Variants in NXPE3 observed in about 807,000 individuals in gnomAD.
NXPE3 encodes the protein NXPE family member 3.
A neutral mutation model predicts 46.1 loss-of-function variants in NXPE3; 26 were observed. The ratio of observed to expected loss-of-function variants is 0.56; its 90% CI spans 0.41 to 0.78. The LOEUF is 0.78. Among genes scored for constraint, NXPE3 ranks in the 30% least tolerant of loss-of-function variants. The pLI is 0.00. For missense variants in NXPE3, 620 were observed against 686.0 expected, an observed-to-expected ratio of 0.90 and a Z score of 1.07; for synonymous variants, 272 against 257.9, an observed-to-expected ratio of 1.05 and a Z score of -0.52.
chr3:101,794,060 T>C (rs995687233), intron 4 of NXPE3, among the ~76,000 whole-genome samples: 2 of 152,078 alleles, frequency 1.3e-5, no homozygotes, highest in African/African-American at 4.8e-5. Context: ...TCACTGTGTT[T>C]TATTGTCTGA....
chr3:101,821,109 G>T (rs1942226330), intron 7 of NXPE3, among the ~76,000 whole-genome samples: 1 of 152,144 alleles, frequency 6.6e-6, no homozygotes. Context: ...AGAAAAATGG[G>T]TTATTTTGTT....
intron 4 of NXPE3, among the ~76,000 whole-genome samples, chr3:101,790,044 A>G (rs1201845519): frequency 1.3e-5 from 2 of 152,178 alleles, no homozygotes; most frequent in Non-Finnish European, 2.9e-5. Context: ...ATATTTTGCA[A>G]ATACCTTTCT....
Position 101,803,624 on chromosome 3 carries a change from T to G in NXPE3, c.848+1635T>G, listed in dbSNP as rs140539577. 3.2e-4 allele frequency among the ~76,000 whole-genome samples: 48 copies of G among 152,328 alleles called. No homozygotes were observed. In the East Asian group the frequency reaches 3.5e-3, roughly 11 times the overall value. On this transcript the variant is annotated intron_variant, in intron 5 of 7. Coordinates refer to ENST00000273347, the MANE Select transcript of NXPE3 (RefSeq NM_145037.4). ...ATTACCCTATTTTAGAGGGTTGGTT[T>G]GTTTGTTTGTTTTGCAACAGGGTCT...
Position 101,800,476 on chromosome 3 carries a change from A to T in NXPE3, c.94-759A>T, listed in dbSNP as rs1941078366. Among the ~76,000 whole-genome samples the T allele has an allele frequency of 3.9e-5, 6 of 152,220 alleles. No individual in the cohort carries two copies. In the South Asian group the frequency reaches 1.2e-3, roughly 32 times the overall value. ...TGTGGTCCGTTTTGGTGAATGTTCC[A>T]TGTGAGCTTGATATGAAGTAGTTTA... On this transcript the variant is annotated intron_variant, in intron 4 of 7. Transcript: ENST00000273347.
At chr3:101,791,480 G>T (rs1940514157) in intron 4 of NXPE3, among the ~76,000 whole-genome samples, 1 of 152,168 alleles carries the variant, frequency 6.6e-6, no homozygotes, top group Non-Finnish European at 1.5e-5. Flanking sequence ...CCGCCTCCCA[G>T]GTTCAAGTTA....
chr3:101,799,570 C>T (rs1278728289), intron 4 of NXPE3, among the ~76,000 whole-genome samples: 9 of 151,900 alleles, frequency 5.9e-5, no homozygotes, highest in African/African-American at 1.7e-4. Flanking sequence ...GGATTACAGG[C>T]GCCTGCCACC....
intron 6 of NXPE3, among the ~76,000 whole-genome samples, chr3:101,808,441 C>T (rs1379279936): frequency 6.6e-6 from 1 of 151,948 alleles, no homozygotes; most frequent in African/African-American, 2.4e-5. Context: ...TAGCCACAAG[C>T]CTTGTATGAG....
intron 4 of NXPE3, among the ~76,000 whole-genome samples, chr3:101,800,560 C>A (rs1284509846): frequency 3.3e-5 from 5 of 152,108 alleles, no homozygotes; most frequent in African/African-American, 4.8e-5. Context: ...ATGTCCTTAC[C>A]GATTTTCTGC....
intron 6 of NXPE3, among the ~76,000 whole-genome samples, chr3:101,808,818 G>GAGATATAT (rs1313213746): frequency 2.6e-4 from 8 of 30,810 alleles, no homozygotes; most frequent in South Asian, 1.9e-3. Flanking sequence ...AATTTTAGAG[G>GAGATATAT]ATATATATAT....
At chr3:101,819,022 C>T (rs1378388422) in intron 7 of NXPE3, among the ~76,000 whole-genome samples, 1 of 151,796 alleles carries the variant, frequency 6.6e-6, no homozygotes, top group Non-Finnish European at 1.5e-5. Context: ...GCTTTGCCCT[C>T]CCAAAGTGCT....
chr3:101,812,483 C>T (rs1941756109), intron 6 of NXPE3, among the ~76,000 whole-genome samples: 1 of 152,050 alleles, frequency 6.6e-6, no homozygotes, highest in Non-Finnish European at 1.5e-5. Context: ...AGAAACTTTG[C>T]CAAGTCACTC....
At position 101,816,851 on chromosome 3, in the gene NXPE3, T is replaced by C; in HGVS notation, c.979T>C (p.Tyr327His). Residue 327 changes from tyrosine to histidine, a missense_variant, in exon 7 of 8, where the codon TAT becomes CAT. Transcript: ENST00000273347. ...GSGTFPSGYY[Y>H]KDQWRPRKFK... ...AGGAACTTTTCCTTCTGGGTATTAT[T>C]ATAAAGACCAGTGGAGGCCCAGAAA... 1 of 1,614,140 alleles carries C rather than the reference T, an allele frequency of 6.2e-7. No homozygotes were observed. The highest frequency in any genetic ancestry group is 8.5e-7 in the Non-Finnish European group (1 of 1,180,008).
intron 6 of NXPE3, 45 bp from the exon 7 acceptor site, chr3:101,816,750 T>C (rs370645491): frequency 2.8e-6 from 4 of 1,423,368 alleles, no homozygotes; most frequent in Non-Finnish European, 3.9e-6. Flanking sequence ...TCATCTATTG[T>C]TGGAGGAGAA....
chr3:101,801,022 G>A (rs1270332413), intron 4 of NXPE3, among the ~76,000 whole-genome samples: 1 of 152,088 alleles, frequency 6.6e-6, no homozygotes, highest in Non-Finnish European at 1.5e-5. Context: ...GCTTTGTTAA[G>A]AACAACACAG....
At chr3:101,783,946 C>G (rs1939989890) in intron 3 of NXPE3, among the ~76,000 whole-genome samples, 1 of 152,174 alleles carries the variant, frequency 6.6e-6, no homozygotes, top group Non-Finnish European at 1.5e-5. Context: ...GAAGCACAGT[C>G]TTTCACATTT....
In NXPE3 at chr3:101,807,116, G is replaced by C; in HGVS notation, c.912G>C (p.Arg304Ser). ...CTGATTGGGTAACTGTGATTCCCAG[G>C]AGAATAAAAGGTAAAAAAAAGAATA... is the stretch of plus-strand genomic sequence containing the variant. ...SGPDWVTVIP[R>S]RIKETNSLEL... is the part of the protein sequence containing the mutation. The change falls in exon 6 of 8, where the codon AGG (arginine) becomes AGC (serine). Residue 304 changes from arginine (R) to serine (S), a missense_variant. By Grantham distance (110) the Arg-to-Ser change is moderately radical. This residue lies in a region of NXPE3 where 511 missense variants were observed against 528.6 expected (regional missense o/e 0.97). Coordinates refer to ENST00000273347, the MANE Select transcript of NXPE3 (RefSeq NM_145037.4). 1 of 1,610,984 alleles carries C rather than the reference G, an allele frequency of 6.2e-7. No homozygotes were observed. Among genetic ancestry groups the C allele is most frequent in the Non-Finnish European group, 8.5e-7 (1 of 1,177,404 alleles).
chr3:101,811,302 C>T (rs1245433505), intron 6 of NXPE3, among the ~76,000 whole-genome samples: 1 of 152,146 alleles, frequency 6.6e-6, no homozygotes, highest in African/African-American at 2.4e-5. Flanking sequence ...ATGTGTTACA[C>T]AGCAATAGAA....
intron 4 of NXPE3, 98 bp from the exon 5 acceptor site, chr3:101,801,137 C>G: frequency 1.5e-6 from 2 of 1,292,586 alleles, no homozygotes; most frequent in East Asian, 4.7e-5. Flanking sequence ...GCTCCTGGAG[C>G]TAAAACTCAC....
intron 4 of NXPE3, 146 bp from the exon 5 acceptor site, chr3:101,801,089 G>A (rs1252206605): frequency 1.2e-6 from 1 of 861,734 alleles, no homozygotes; most frequent in African/African-American, 1.7e-5. Context: ...AAGCCCAAGG[G>A]GATTTTTCTT....
Sources: gnomAD v4.1 joint callset for allele counts (sites outside exome capture counted in the v4.1 genomes callset) on GRCh38, gnomAD v4.1.1 for gene constraint, gnomAD v4.1.1 regional missense constraint, MANE v1.5 for transcripts, NCBI Gene and HGNC (gene_info 2026-07-23, HGNC 2026-07-21) for gene names.